PCGF5: variants seen among roughly 807,000 people sequenced by gnomAD.
The protein encoded by PCGF5 is polycomb group RING finger protein 5.
In PCGF5, 9 loss-of-function variants were observed where a neutral mutation model predicts 44.3. The ratio of observed to expected loss-of-function variants is 0.20; its 90% CI spans 0.12 to 0.35. PCGF5 has a LOEUF of 0.35. Ranked by LOEUF, PCGF5 falls within the 10% of genes least tolerant of loss-of-function variation. The probability of loss-of-function intolerance (pLI) is 1.00; values close to 1 mark genes in which losing one functional copy is unlikely to be tolerated. For missense variants in PCGF5, 146 were observed against 305.3 expected (o/e 0.48, Z 3.89); for synonymous variants, 95 against 102.5 (o/e 0.93, Z 0.44).
upstream of PCGF5, among the ~76,000 whole-genome samples, chr10:91,219,121 G>T (rs955555842): frequency 2.2e-4 from 34 of 152,120 alleles, no homozygotes; most frequent in African/African-American, 8.0e-4. Flanking sequence ...CCTTATAAAA[G>T]TTGTAGTTCT....
At position 91,248,532 on chromosome 10, in the gene PCGF5, A is replaced by G; in HGVS notation, c.237A>G (p.Ile79Met). Residue 79 changes from isoleucine (I) to methionine (M), a missense_variant, in exon 4 of 10, where the codon ATA (isoleucine) becomes ATG (methionine). Ile to Met is a conservative substitution (Grantham distance 10). Coordinates refer to ENST00000336126, the MANE Select transcript of PCGF5 (RefSeq NM_032373.5). Reference sequence around the variant, plus strand: ...TGGACAATACATTAGAGGAAATTATATTTAAGCTGGTCCCTGGACTACGAG... The same window carrying G: ...TGGACAATACATTAGAGGAAATTATGTTTAAGCTGGTCCCTGGACTACGAG... The part of the protein sequence containing the change: ...LRLDNTLEEI[I>M]FKLVPGLREQ... The G allele has an allele frequency of 6.2e-7, 1 of 1,613,100 alleles. No individual in the cohort carries two copies. Among genetic ancestry groups the G allele is most frequent in the Non-Finnish European group, 8.5e-7 (1 of 1,179,316 alleles).
At chr10:91,227,734 G>A (rs1589380589) in intron 2 of PCGF5, 1 of 1,002,932 alleles carries the variant, frequency 1.0e-6, no homozygotes, top group Non-Finnish European at 1.2e-6. Flanking sequence ...CTACTTAGTG[G>A]TGACTGGTTT....
upstream of PCGF5, chr10:91,162,908 C>G (rs1407899807): frequency 6.9e-6 from 1 of 145,388 alleles, no homozygotes; most frequent in African/African-American, 2.5e-5. Context: ...GGGCTCTGCT[C>G]TCCTCGCGCC....
At chr10:91,173,783 G>A (rs1843655657) in intron 1 of PCGF5, among the ~76,000 whole-genome samples, 1 of 151,904 alleles carries the variant, frequency 6.6e-6, no homozygotes, top group African/African-American at 2.4e-5. Context: ...TAGGTTTTCA[G>A]CCTTAAAGAT....
intron 3 of PCGF5, among the ~76,000 whole-genome samples, chr10:91,245,655 TG>T (rs2133362743): frequency 6.6e-6 from 1 of 152,120 alleles, no homozygotes; most frequent in South Asian, 2.1e-4. Flanking sequence ...TGGTTTTCAG[TG>T]GGAGCATTGA....
chr10:91,251,580 A>T, intron 6 of PCGF5, 140 bp downstream of exon 6: 4 of 848,260 alleles, frequency 4.7e-6, no homozygotes, highest in Non-Finnish European at 7.3e-6. Flanking sequence ...CCATTCTTTG[A>T]CAATCCTATG....
intron 6 of PCGF5, among the ~76,000 whole-genome samples, chr10:91,257,475 A>G (rs1845785156): frequency 6.7e-6 from 1 of 148,588 alleles, no homozygotes; most frequent in Admixed American, 6.6e-5. Flanking sequence ...TCTGTGGAGC[A>G]TATGTTCCAA....
chr10:91,253,519 A>G (rs1438478115), intron 6 of PCGF5, among the ~76,000 whole-genome samples: 1 of 152,048 alleles, frequency 6.6e-6, no homozygotes, highest in Non-Finnish European at 1.5e-5. Context: ...CTAATTCATT[A>G]TACTTTCATC....
At chr10:91,232,641 G>T (rs531522202) in intron 2 of PCGF5, among the ~76,000 whole-genome samples, 2 of 152,288 alleles carry the variant, frequency 1.3e-5, no homozygotes, top group East Asian at 3.9e-4. Flanking sequence ...GGCAGAGGAT[G>T]GCTTTAGATA....
intron 1 of PCGF5, among the ~76,000 whole-genome samples, chr10:91,180,299 T>C (rs1843796044): frequency 6.6e-6 from 1 of 152,212 alleles, no homozygotes; most frequent in Non-Finnish European, 1.5e-5. Flanking sequence ...GTAGGTTGTC[T>C]GTTTATTCTG....
chr10:91,174,672 AATAAAC>A (rs1418075471), intron 1 of PCGF5, among the ~76,000 whole-genome samples: 2 of 152,226 alleles, frequency 1.3e-5, no homozygotes, highest in Non-Finnish European at 1.5e-5. Flanking sequence ...AATAAAGGAT[AATAAAC>A]ATTAATTGGG....
intron 8 of PCGF5, among the ~76,000 whole-genome samples, chr10:91,270,744 G>T (rs1846158855): frequency 6.6e-6 from 1 of 152,012 alleles, no homozygotes; most frequent in South Asian, 2.1e-4. Flanking sequence ...GAAATATCCT[G>T]GTTAATTTGT....
the PCGF5 span, among the ~76,000 whole-genome samples, chr10:91,156,502 T>A: frequency 6.6e-6 from 1 of 152,170 alleles, no homozygotes; most frequent in African/African-American, 2.4e-5. Flanking sequence ...CAAGCAGAGC[T>A]ACACACAGAG....
chr10:91,261,363 T>C lies in PCGF5; in HGVS notation c.512T>C (p.Val171Ala), dbSNP rs1280414510. The change falls in exon 7 of 10, where the codon GTA becomes GCA. Residue 171 changes from valine (V) to alanine (A), a missense_variant. Val to Ala is a moderately conservative substitution (Grantham distance 64). Coordinates refer to ENST00000336126, the MANE Select transcript of PCGF5 (RefSeq NM_032373.5). ...AAATTCATTCGATGTTCTACACGTGTAACTGTGGGAACTATTAAAAAATTT... is the reference window on the plus strand; with the variant it reads ...AAATTCATTCGATGTTCTACACGTGCAACTGTGGGAACTATTAAAAAATTT... ...MKKFIRCSTR[V>A]TVGTIKKFLS... is the part of the protein sequence containing the mutation. 1.3e-6 allele frequency: 2 copies of C among 1,509,574 alleles called. No homozygotes were observed. Among genetic ancestry groups the C allele is most frequent in the Non-Finnish European group, 1.8e-6 (2 of 1,115,646 alleles). 93.5% of individuals were successfully genotyped at this position (1,509,574 alleles called of 1,614,324 possible).
intron 1 of PCGF5, among the ~76,000 whole-genome samples, chr10:91,199,318 A>AG (rs1313098273): frequency 1.3e-5 from 2 of 152,218 alleles, no homozygotes; most frequent in African/African-American, 4.8e-5. Context: ...GAAGGCAGCA[A>AG]GGGGGGCAGA....
intron 2 of PCGF5, among the ~76,000 whole-genome samples, chr10:91,232,797 AT>A (rs1259762754): frequency 3.9e-5 from 6 of 152,152 alleles, no homozygotes; most frequent in Non-Finnish European, 7.4e-5. Context: ...GAGAGTGAGG[AT>A]GGAGGAGGAT....
chr10:91,224,370 A>C (rs189352780), intron 2 of PCGF5, among the ~76,000 whole-genome samples: 225 of 152,314 alleles, frequency 1.5e-3, no homozygotes, highest in African/African-American at 5.1e-3. Flanking sequence ...ATTAACTATC[A>C]TCGAACAGAC....
chr10:91,176,377 C>A (rs187899738), intron 1 of PCGF5, among the ~76,000 whole-genome samples: 3 of 152,162 alleles, frequency 2.0e-5, no homozygotes, highest in African/African-American at 7.2e-5. Context: ...GTGAATCTGA[C>A]AATTATGTGT....
chr10:91,197,705 CT>C (rs1844164866), intron 1 of PCGF5, among the ~76,000 whole-genome samples: 1 of 46,284 alleles, frequency 2.2e-5, no homozygotes, highest in South Asian at 1.2e-3. Flanking sequence ...TCAACCGGTA[CT>C]GGACATCATC....
Sources: allele counts gnomAD v4.1 joint callset (sites outside exome capture counted in the v4.1 genomes callset), GRCh38; gene constraint gnomAD v4.1.1; transcripts MANE v1.5; gene names NCBI Gene and HGNC (gene_info 2026-07-23, HGNC 2026-07-21).